Variants in HTR2A observed in about 807,000 individuals in gnomAD.
HTR2A encodes 5-HT2 receptor.
A neutral mutation model predicts 31.0 loss-of-function variants in HTR2A; 14 were observed. That is an observed-to-expected ratio of 0.45 (90% CI 0.30 to 0.71). HTR2A has a LOEUF of 0.71. Ranked by LOEUF, HTR2A falls within the 30% of genes least tolerant of loss-of-function variation. HTR2A has a pLI of 0.09. For missense variants in HTR2A, 442 were observed against 573.3 expected (o/e 0.77, Z 2.34); for synonymous variants, 209 against 225.2 (o/e 0.93, Z 0.64).
rs1266978961 is a variant in HTR2A at position 46,895,869 on chromosome 13, G to C, written c.38C>G (p.Ser13Ter). The C allele has an allele frequency of 6.2e-7, 1 of 1,612,816 alleles. No individual in the cohort carries two copies. The highest frequency in any genetic ancestry group is 1.3e-5 in the African/African-American group (1 of 74,954). The change falls in exon 2 of 4, where the codon TCA becomes TGA. Residue 13 changes from serine (S) to a stop codon, truncating the protein, a stop_gained. Coordinates refer to ENST00000542664, the MANE Select transcript of HTR2A (RefSeq NM_000621.5). LOFTEE classifies it high-confidence loss of function. The surrounding 1 kb of genome is among the most constrained non-coding windows in gnomAD (Gnocchi z 4.4). The part of the protein sequence containing the change: ...ILCEENTSLS[S>*]TTNSLMQLND... ...TAATTGCATTAGGGAGTTCGTAGTT[G>C]AGCTCAAAGAAGTATTTTCTTCACA...
chr13:46,891,984 C>T (rs1431928963), intron 3 of HTR2A, among the ~76,000 whole-genome samples: 1 of 152,218 alleles, frequency 6.6e-6, no homozygotes, highest in Admixed American at 6.5e-5. Flanking sequence ...GTACCTTTCT[C>T]TAGAGCCCAG....
At chr13:46,845,096 C>G (rs1258401968) in intron 3 of HTR2A, among the ~76,000 whole-genome samples, 1 of 151,790 alleles carries the variant, frequency 6.6e-6, no homozygotes, top group Non-Finnish European at 1.5e-5. Context: ...GTACACATCA[C>G]CCAAGTTCAA....
At chr13:46,845,643 C>CAAAAAAAAAAAAAAAAAAAAAAAAAA (rs11394720) in intron 3 of HTR2A, among the ~76,000 whole-genome samples, 1 of 112,984 alleles carries the variant, frequency 8.9e-6, no homozygotes, top group African/African-American at 3.2e-5. Flanking sequence ...TTCATCACTC[C>CAAAAAAAAAAAAAAAAAAAAAAAAAA]AAAAAAAAAA....
chr13:46,895,829 C>A lies in HTR2A; in HGVS notation c.78G>T (p.Arg26Ser). ...CGGAGTTAAAGTCATTACTGTAGAG[C>A]CTGGTGTCATCATTTAATTGCATTA... is the stretch of plus-strand genomic sequence containing the variant. ...NSLMQLNDDT[R>S]LYSNDFNSGE... is the part of the protein sequence containing the mutation. Residue 26 changes from arginine (R) to serine (S), a missense_variant, in exon 2 of 4, where the codon AGG becomes AGT. Physicochemically the swap from Arg to Ser is moderately radical, Grantham distance 110 (BLOSUM62 -1). Coordinates refer to ENST00000542664, the MANE Select transcript of HTR2A (RefSeq NM_000621.5). This position sits in a 1 kb window ranked among gnomAD's most constrained non-coding sequence, Gnocchi z 4.4. The A allele has an allele frequency of 6.2e-7, 1 of 1,614,052 alleles. No homozygotes were observed.
At chr13:46,891,107 G>C (rs1951048761) in intron 3 of HTR2A, among the ~76,000 whole-genome samples, 1 of 152,166 alleles carries the variant, frequency 6.6e-6, no homozygotes, top group Admixed American at 6.5e-5. Context: ...CTGCAAGTTG[G>C]AGACATGATC....
intron 3 of HTR2A, among the ~76,000 whole-genome samples, chr13:46,844,657 T>G (rs1446204815): frequency 6.6e-6 from 1 of 152,180 alleles, no homozygotes; most frequent in African/African-American, 2.4e-5. Flanking sequence ...ACAAAGTGTC[T>G]TTCAGGTAAA....
At chr13:46,848,954 C>T (rs972898038) in intron 3 of HTR2A, among the ~76,000 whole-genome samples, 4 of 152,178 alleles carry the variant, frequency 2.6e-5, no homozygotes, top group Non-Finnish European at 5.9e-5. Flanking sequence ...CTGAAAATAA[C>T]AAAACCTCCA....
intron 3 of HTR2A, among the ~76,000 whole-genome samples, chr13:46,858,680 G>A (rs370959008): frequency 1.9e-4 from 29 of 152,272 alleles, no homozygotes; most frequent in African/African-American, 5.8e-4. Flanking sequence ...CTAAACTAAG[G>A]CTGAACAGAG....
chr13:46,837,763 C>T (rs933029771), intron 3 of HTR2A, among the ~76,000 whole-genome samples: 1 of 152,232 alleles, frequency 6.6e-6, no homozygotes, highest in Non-Finnish European at 1.5e-5. Context: ...CATTGGCCAT[C>T]GTGGCCAGGA....
chr13:46,846,557 A>C (rs1474130530), intron 3 of HTR2A, among the ~76,000 whole-genome samples: 1 of 152,230 alleles, frequency 6.6e-6, no homozygotes, highest in Non-Finnish European at 1.5e-5. Context: ...CCTGCAGAGC[A>C]AGAATGTTTC....
intron 3 of HTR2A, among the ~76,000 whole-genome samples, chr13:46,863,630 G>GAAAAAAAAAAAAAAAAAAAAAAAAAAC (rs59693757): frequency 1.7e-5 from 1 of 59,254 alleles, no homozygotes; most frequent in Non-Finnish European, 2.9e-5. Flanking sequence ...CCCTCAAAAT[G>GAAAAAAAAAAAAAAAAAAAAAAAAAAC]AAAAAAAAAA....
At chr13:46,851,328 G>T (rs1226580165) in intron 3 of HTR2A, among the ~76,000 whole-genome samples, 1 of 152,136 alleles carries the variant, frequency 6.6e-6, no homozygotes, top group African/African-American at 2.4e-5. Flanking sequence ...TAGTTTATAA[G>T]AAAATGCAGG....
At chr13:46,896,413 T>C (rs556108564) in intron 1 of HTR2A, among the ~76,000 whole-genome samples, 179 bp from the exon 2 acceptor site, 1 of 152,362 alleles carries the variant, frequency 6.6e-6, no homozygotes, top group African/African-American at 2.4e-5. Flanking sequence ...CATCCAGTGT[T>C]AATCCCATAG....
intron 3 of HTR2A, among the ~76,000 whole-genome samples, chr13:46,891,144 T>C (rs1951049258): frequency 6.6e-6 from 1 of 152,252 alleles, no homozygotes; most frequent in South Asian, 2.1e-4. Context: ...CTCTGTATTC[T>C]GGTTTCCTCA....
chr13:46,852,804 C>T (rs1950698341), intron 3 of HTR2A, among the ~76,000 whole-genome samples: 1 of 152,100 alleles, frequency 6.6e-6, no homozygotes, highest in African/African-American at 2.4e-5. Flanking sequence ...AGTCATGCTC[C>T]TCAAAAAATT....
At chr13:46,884,835 T>C (rs1950994135) in intron 3 of HTR2A, among the ~76,000 whole-genome samples, 1 of 151,834 alleles carries the variant, frequency 6.6e-6, no homozygotes, top group Admixed American at 6.6e-5. Flanking sequence ...TACATATATA[T>C]ATATATCTCC....
At chr13:46,869,616 A>G (rs549324758) in intron 3 of HTR2A, among the ~76,000 whole-genome samples, 37 of 152,262 alleles carry the variant, frequency 2.4e-4, no homozygotes, top group African/African-American at 8.2e-4. Context: ...TAATATGCCA[A>G]TGCTCTGAAT....
Position 46,860,490 on chromosome 13 carries a change from T to G in HTR2A, c.614-24851A>C, listed in dbSNP as rs1201866347. Among the ~76,000 whole-genome samples the G allele has an allele frequency of 5.9e-5, 9 of 152,164 alleles. No homozygotes were observed. In the East Asian group the frequency reaches 1.7e-3, roughly 29 times the overall value. ...GAGGATTGCAGAACAATCACCTTTA[T>G]GTTCTTTTGGATTGAAGACAAAGTT... On this transcript the variant is annotated intron_variant, in intron 3 of 3. Transcript: ENST00000542664.
At chr13:46,843,989 A>G (rs1199928812) in intron 3 of HTR2A, among the ~76,000 whole-genome samples, 1 of 152,214 alleles carries the variant, frequency 6.6e-6, no homozygotes, top group East Asian at 1.9e-4. Flanking sequence ...CACATCCGCT[A>G]TATGAAACCT....
Sources: gnomAD v4.1 joint callset for allele counts (sites outside exome capture counted in the v4.1 genomes callset) on GRCh38, gnomAD v4.1.1 for gene constraint, Gnocchi (gnomAD v3.1) non-coding constraint, MANE v1.5 for transcripts, NCBI Gene and HGNC (gene_info 2026-07-23, HGNC 2026-07-21) for gene names.